Variants in GLB1L2 observed in about 807,000 individuals in gnomAD.
GLB1L2 encodes the protein beta-galactosidase-1-like protein 2.
GLB1L2 carries 68 observed loss-of-function variants against 84.1 expected under a neutral mutation model. The observed-to-expected ratio is 0.81, with a 90% CI of 0.67 to 0.99. The LOEUF is 0.99. Among genes scored for constraint, GLB1L2 ranks in the 50% least tolerant of loss-of-function variants. GLB1L2 has a pLI of 0.00. For missense variants in GLB1L2, 762 were observed against 805.6 expected (o/e 0.95, Z 0.66); for synonymous variants, 290 against 318.0 (o/e 0.91, Z 0.94).
intron 13 of GLB1L2, 121 bp from the exon 14 acceptor site, chr11:134,371,300 G>T (rs1943948990): frequency 3.3e-6 from 4 of 1,226,220 alleles, no homozygotes; most frequent in Non-Finnish European, 4.8e-6. Flanking sequence ...ATTCATGTCT[G>T]CTCTGCCCAC....
chr11:134,364,709 G>T (rs553352778), intron 8 of GLB1L2: 2 of 331,710 alleles, frequency 6.0e-6, no homozygotes, highest in East Asian at 5.5e-5. Flanking sequence ...AGGGATTGAG[G>T]GGGGAAGGAA....
rs114706954 is a variant in GLB1L2, at chr11:134,332,098, A to G, written c.37A>G (p.Thr13Ala). The change falls in exon 1 of 19, where the codon ACG becomes GCG. Residue 13 changes from threonine to alanine, a missense_variant. Coordinates refer to ENST00000535456, the MANE Select transcript of GLB1L2 (RefSeq NM_001370461.1). ...GAGCCTCCGGCGGAGGCCGGCCCGC[A>G]CGCTGGGACTCCTGCTGCTGGTCGT... The part of the protein sequence containing the change: ...TWSLRRRPAR[T>A]LGLLLLVVLG... 1,482 of 1,590,332 alleles carry G rather than the reference A, an allele frequency of 9.3e-4. 8 individuals carry two copies. In the African/African-American group the frequency reaches 0.019, roughly 20 times the overall value.
chr11:134,341,382 G>GCGGCAGTT (rs1565433548), intron 1 of GLB1L2, among the ~76,000 whole-genome samples: 2 of 151,438 alleles, frequency 1.3e-5, no homozygotes, highest in African/African-American at 4.8e-5. Flanking sequence ...CTAACCCAAG[G>GCGGCAGTT]CGACAGTTCT....
Position 134,339,600 on chromosome 11 carries a change from G to A in GLB1L2, c.87-3154G>A, listed in dbSNP as rs1165148754. 1.3e-5 allele frequency among the ~76,000 whole-genome samples: 2 copies of A among 152,026 alleles called. No homozygotes were observed. Among genetic ancestry groups the A allele is most frequent in the Non-Finnish European group, 2.9e-5 (2 of 68,014 alleles). ...TCTTGTTGTTTATTTCATTCCTCTTGCTATGCACTGAGAAGAACGTTTCAT... is the reference window on the plus strand; with the variant it reads ...TCTTGTTGTTTATTTCATTCCTCTTACTATGCACTGAGAAGAACGTTTCAT... On this transcript the variant is annotated intron_variant, in intron 1 of 18. Coordinates refer to ENST00000535456, the MANE Select transcript of GLB1L2 (RefSeq NM_001370461.1). This position sits in a 1 kb window ranked among gnomAD's most constrained non-coding sequence, Gnocchi z 5.7.
At chr11:134,360,546 G>A (rs1029746192) in intron 7 of GLB1L2, 4 of 152,164 alleles carry the variant, frequency 2.6e-5, no homozygotes, top group African/African-American at 4.8e-5. Context: ...GCGGCCTCCC[G>A]GTTTCAGGCC....
chr11:134,370,308 C>A lies in GLB1L2; in HGVS notation c.1124C>A (p.Pro375His), dbSNP rs998020488. 2 of 1,613,758 alleles carry A rather than the reference C, an allele frequency of 1.2e-6. No homozygotes were observed. The highest frequency in any genetic ancestry group is 1.7e-6 in the Non-Finnish European group (2 of 1,179,910). The stretch of plus-strand genomic sequence containing the variant: ...TGTGTTGCAGGCATCCCTCTCCCTC[C>A]CCCACCTGACCTTCTTCCCAAGATG... ...FGSISGIPLP[P>H]PPDLLPKMPY... is the part of the protein sequence containing the mutation. The change falls in exon 12 of 19, where the codon CCC (proline) becomes CAC (histidine). Residue 375 changes from proline to histidine, a missense_variant. Pro to His is a moderately conservative substitution (Grantham distance 77, BLOSUM62 -2). This residue lies in a region of GLB1L2 where 603 missense variants were observed against 611.7 expected (regional missense o/e 0.99). Transcript: ENST00000535456. This position sits in a 1 kb window ranked among gnomAD's most constrained non-coding sequence, Gnocchi z 4.7.
At chr11:134,373,621 C>T (rs1943985775) in intron 15 of GLB1L2, 100 bp from the exon 16 acceptor site, 1 of 752,742 alleles carries the variant, frequency 1.3e-6, no homozygotes, top group Non-Finnish European at 2.3e-6. Flanking sequence ...CACTTCAGCA[C>T]CCCTCACCCC....
rs1311351127 is a variant in GLB1L2 at position 134,334,137 on chromosome 11, C to T, written c.86+1990C>T. On this transcript the variant is annotated intron_variant, in intron 1 of 18. Transcript: ENST00000535456. The surrounding 1 kb of genome is among the most constrained non-coding windows in gnomAD (Gnocchi z 4.1). ...GCCCCAGCTCTGACTGGGTCATTAACTGAGTGGGAGGTGGGGCCTCTCCCA... is the reference window on the plus strand; with the variant it reads ...GCCCCAGCTCTGACTGGGTCATTAATTGAGTGGGAGGTGGGGCCTCTCCCA... Among the ~76,000 whole-genome samples, 1 of 152,104 alleles carries T rather than the reference C, an allele frequency of 6.6e-6. No homozygotes were observed. The highest frequency in any genetic ancestry group is 1.9e-4 in the East Asian group (1 of 5,178).
intron 15 of GLB1L2, 29 bp downstream of exon 15, chr11:134,371,859 G>C (rs746213316): frequency 1.2e-6 from 2 of 1,604,032 alleles, no homozygotes; most frequent in East Asian, 2.2e-5. Context: ...CAAAAGAAGA[G>C]TGGCCATGCT....
chr11:134,374,313 C>A, intron 17 of GLB1L2, 57 bp downstream of exon 17: 1 of 1,362,706 alleles, frequency 7.3e-7, no homozygotes, highest in Non-Finnish European at 1.1e-6. Context: ...CCTTGGAGGG[C>A]TCTGAGCCAA....
In GLB1L2 at chr11:134,375,308, G is replaced by A. The variant is rs553407189; in HGVS notation, c.*250G>A. On this transcript the variant is annotated 3_prime_UTR_variant, in exon 19 of 19. Coordinates refer to ENST00000535456, the MANE Select transcript of GLB1L2 (RefSeq NM_001370461.1). ...GCCCTGCTCTTGTGCCGAGGCTGTC[G>A]GGCTGTCTCTAGGGTGGGAGCAGCT... 1.6e-4 allele frequency: 78 copies of A among 474,110 alleles called. 1 individual carries two copies. The South Asian group carries it at 1.7e-3, about 11-fold the overall frequency. 29.4% of individuals were successfully genotyped at this position (474,110 alleles called of 1,614,324 possible).
intron 7 of GLB1L2, among the ~76,000 whole-genome samples, chr11:134,362,382 A>G (rs1215370152): frequency 6.6e-6 from 1 of 151,318 alleles, no homozygotes; most frequent in Non-Finnish European, 1.5e-5. Flanking sequence ...TGGCTGTTCC[A>G]CTCCATCTCC....
chr11:134,353,510 G>A (rs538940517), intron 5 of GLB1L2, among the ~76,000 whole-genome samples: 79 of 152,212 alleles, frequency 5.2e-4, no homozygotes, highest in African/African-American at 1.5e-3. Flanking sequence ...TGTGTATTGT[G>A]CTACTTTTGG....
intron 1 of GLB1L2, 116 bp from the exon 2 acceptor site, chr11:134,342,638 C>T: frequency 1.9e-6 from 2 of 1,039,246 alleles, no homozygotes; most frequent in South Asian, 1.6e-5. Context: ...CTTTTCCCAG[C>T]CACCTGGACG....
Position 134,374,179 on chromosome 11 carries a change from A to G in GLB1L2, c.1630A>G (p.Thr544Ala). Reference sequence around the variant, plus strand: ...GGACAAATGGAGTTCCCTCCCAGAAACACCCACATTACCTGCTTTCTTCTT... The same window carrying G: ...GGACAAATGGAGTTCCCTCCCAGAAGCACCCACATTACCTGCTTTCTTCTT... ...GLDKWSSLPE[T>A]PTLPAFFLGS... The change falls in exon 17 of 19, where the codon ACA becomes GCA. Residue 544 changes from threonine (T) to alanine (A), a missense_variant. Coordinates refer to ENST00000535456, the MANE Select transcript of GLB1L2 (RefSeq NM_001370461.1). 1 of 1,614,136 alleles carries G rather than the reference A, an allele frequency of 6.2e-7. No homozygotes were observed. Among genetic ancestry groups the G allele is most frequent in the Non-Finnish European group, 8.5e-7 (1 of 1,179,986 alleles).
At chr11:134,367,846 C>G (rs1316806081) in intron 9 of GLB1L2, among the ~76,000 whole-genome samples, 4 of 152,244 alleles carry the variant, frequency 2.6e-5, no homozygotes, top group Admixed American at 2.6e-4. Context: ...CCATTCTAAA[C>G]CACACTTTGT....
At chr11:134,333,453 G>A (rs1943334496) in intron 1 of GLB1L2, among the ~76,000 whole-genome samples, 1 of 152,192 alleles carries the variant, frequency 6.6e-6, no homozygotes, top group African/African-American at 2.4e-5. Context: ...CATACAGCAG[G>A]GTAGCAAGGC....
At chr11:134,373,590 C>A in intron 15 of GLB1L2, 131 bp from the exon 16 acceptor site, 1 of 671,578 alleles carries the variant, frequency 1.5e-6, no homozygotes. Flanking sequence ...TACCCCTCAC[C>A]CCAGCTTCTC....
chr11:134,354,352 A>G (rs1943674599), intron 5 of GLB1L2, among the ~76,000 whole-genome samples: 1 of 152,118 alleles, frequency 6.6e-6, no homozygotes, highest in South Asian at 2.1e-4. Context: ...GGGTGTACCC[A>G]TTAACTTAAA....
Sources: allele counts gnomAD v4.1 joint callset (sites outside exome capture counted in the v4.1 genomes callset), GRCh38; gene constraint gnomAD v4.1.1; regional missense constraint gnomAD v4.1.1; non-coding constraint Gnocchi (gnomAD v3.1); transcripts MANE v1.5; gene names NCBI Gene and HGNC (gene_info 2026-07-23, HGNC 2026-07-21).